Variants in SNRPN observed in about 807,000 individuals in gnomAD.
SNRPN encodes small nuclear ribonucleoprotein polypeptide N.
SNRPN carries 7 observed loss-of-function variants against 25.2 expected under a neutral mutation model. The ratio of observed to expected loss-of-function variants is 0.28; its 90% CI spans 0.16 to 0.52. The LOEUF is 0.52. Among genes scored for constraint, SNRPN ranks in the 20% least tolerant of loss-of-function variants. SNRPN has a pLI of 0.96. For missense variants in SNRPN, 196 were observed against 322.5 expected (o/e 0.61, Z 3.00); for synonymous variants, 124 against 110.6 (o/e 1.12, Z -0.76).
At chr15:24,844,049 C>G (rs2051962694) in intron 2 of SNRPN, among the ~76,000 whole-genome samples, 1 of 151,934 alleles carries the variant, frequency 6.6e-6, no homozygotes, top group Non-Finnish European at 1.5e-5. Flanking sequence ...ATTTTGCATC[C>G]TAACAGAAAA....
At chr15:24,858,060 A>G (rs1353244652) in intron 1 of SNRPN, among the ~76,000 whole-genome samples, 1 of 152,114 alleles carries the variant, frequency 6.6e-6, no homozygotes, top group Non-Finnish European at 1.5e-5. Context: ...CCTGCAATAG[A>G]TCTCAAGCAC....
chr15:24,857,716 A>G (rs2053541190), intron 1 of SNRPN, among the ~76,000 whole-genome samples: 4 of 152,052 alleles, frequency 2.6e-5, no homozygotes, highest in Admixed American at 2.6e-4. Context: ...CACCCAAGGG[A>G]TTCACCTTGC....
chr15:24,941,546 T>TA (rs2061557300), intron 3 of SNRPN, among the ~76,000 whole-genome samples: 1 of 152,194 alleles, frequency 6.6e-6, no homozygotes. Flanking sequence ...ATTTCGTTGT[T>TA]AGAGTTTTCC....
chr15:24,975,648 G>A (rs1427972548), intron 5 of SNRPN, 139 bp downstream of exon 5: 3 of 681,804 alleles, frequency 4.4e-6, no homozygotes, highest in South Asian at 1.9e-5. Flanking sequence ...TTAACCTCTT[G>A]ACCTGATCTC....
chr15:24,831,548 C>T (rs1007291426), intron 2 of SNRPN, among the ~76,000 whole-genome samples: 2 of 152,052 alleles, frequency 1.3e-5, no homozygotes, highest in Admixed American at 1.3e-4. Context: ...ACTATAGTTA[C>T]CATGTTGTAC....
At chr15:24,897,738 A>G (rs1393716761) in intron 2 of SNRPN, among the ~76,000 whole-genome samples, 1 of 152,142 alleles carries the variant, frequency 6.6e-6, no homozygotes, top group Non-Finnish European at 1.5e-5. Context: ...TGATGCTTTT[A>G]TAAATGGGAG....
At chr15:24,920,912 T>A (rs1306251819) in intron 3 of SNRPN, among the ~76,000 whole-genome samples, 2 of 152,238 alleles carry the variant, frequency 1.3e-5, no homozygotes, top group Non-Finnish European at 2.9e-5. Context: ...TTAGGTCAGC[T>A]GCTGTTAAAG....
At chr15:24,953,962 T>C (rs534615044), upstream of SNRPN, among the ~76,000 whole-genome samples, 1 of 152,326 alleles carries the variant, frequency 6.6e-6, no homozygotes, top group Admixed American at 6.5e-5. Flanking sequence ...CTTACAGGGC[T>C]TGGGAGGGGA....
At chr15:24,916,487 A>G (rs2059531478) in intron 2 of SNRPN, among the ~76,000 whole-genome samples, 2 of 151,932 alleles carry the variant, frequency 1.3e-5, no homozygotes, top group Admixed American at 1.3e-4. Context: ...CCAGAAACTC[A>G]AGTTTTCAGT....
chr15:24,927,794 C>T (rs1180360470), intron 3 of SNRPN, among the ~76,000 whole-genome samples: 1 of 152,066 alleles, frequency 6.6e-6, no homozygotes, highest in Non-Finnish European at 1.5e-5. Context: ...AATGGTTCCT[C>T]TGCCTGCCTT....
At chr15:24,951,532 C>G (rs1295606825), upstream of SNRPN, among the ~76,000 whole-genome samples, 6 of 145,802 alleles carry the variant, frequency 4.1e-5, no homozygotes, top group Admixed American at 1.4e-4. Context: ...TTTTTTGAGA[C>G]AGTCTCACTC....
At chr15:24,865,797 G>C (rs532449771) in intron 1 of SNRPN, among the ~76,000 whole-genome samples, 1 of 151,998 alleles carries the variant, frequency 6.6e-6, no homozygotes, top group African/African-American at 2.4e-5. Context: ...TAATATGAAT[G>C]CTGGTCAGTT....
At chr15:24,895,347 G>T (rs2058009287) in intron 2 of SNRPN, among the ~76,000 whole-genome samples, 2 of 151,378 alleles carry the variant, frequency 1.3e-5, no homozygotes, top group African/African-American at 2.4e-5. Flanking sequence ...TCCATATTTT[G>T]GGTTGGCATG....
At chr15:24,875,394 T>C (rs2055754757) in intron 1 of SNRPN, among the ~76,000 whole-genome samples, 1 of 152,206 alleles carries the variant, frequency 6.6e-6, no homozygotes, top group African/African-American at 2.4e-5. Flanking sequence ...GTTTCAGAAA[T>C]TGTGCTTTAC....
Position 24,970,998 on chromosome 15 carries a change from T to C in SNRPN, c.-144+2916T>C, listed in dbSNP as rs17114919. Among the ~76,000 whole-genome samples the C allele has an allele frequency of 4.3e-3, 660 of 152,330 alleles. 4 individuals are homozygous for C. Among genetic ancestry groups the C allele is most frequent in the African/African-American group, 0.015 (621 of 41,580 alleles). ...AAATTTTAACAGATCAATACTGATA[T>C]TCCATGGTGTGTCTCATTTGCTATG... is the stretch of plus-strand genomic sequence containing the variant. On this transcript the variant is annotated intron_variant, in intron 3 of 9. Transcript: ENST00000390687.
At chr15:24,955,599 C>T (rs1412719790) in intron 1 of SNRPN, among the ~76,000 whole-genome samples, 1 of 115,604 alleles carries the variant, frequency 8.7e-6, no homozygotes, top group African/African-American at 3.4e-5. Flanking sequence ...GTACGTGGGG[C>T]GACTGGGGGG....
chr15:24,924,400 G>T (rs1340298905), intron 3 of SNRPN, among the ~76,000 whole-genome samples: 5 of 152,008 alleles, frequency 3.3e-5, no homozygotes, highest in Admixed American at 2.6e-4. Flanking sequence ...CCTCTCCTGT[G>T]ATAGGAGCCA....
At chr15:24,962,510 T>G (rs570915440) in intron 2 of SNRPN, among the ~76,000 whole-genome samples, 1 of 152,350 alleles carries the variant, frequency 6.6e-6, no homozygotes, top group East Asian at 1.9e-4. Context: ...CATTATTAAA[T>G]CACTTTGTAT....
intron 3 of SNRPN, among the ~76,000 whole-genome samples, chr15:24,936,509 T>TA (rs2061243590): frequency 6.6e-6 from 1 of 152,156 alleles, no homozygotes; most frequent in African/African-American, 2.4e-5. Flanking sequence ...CCTGCACTGC[T>TA]ATAAAGAACT....
Sources: gnomAD v4.1 joint callset for allele counts (sites outside exome capture counted in the v4.1 genomes callset) on GRCh38, gnomAD v4.1.1 for gene constraint, MANE v1.5 for transcripts, NCBI Gene and HGNC (gene_info 2026-07-23, HGNC 2026-07-21) for gene names.